The following CHST11 variants were observed in gnomAD, a reference collection of about 807,000 sequenced individuals.
CHST11 encodes carbohydrate sulfotransferase 11.
In CHST11, 9 loss-of-function variants were observed where a neutral mutation model predicts 30.4. The ratio of observed to expected loss-of-function variants is 0.30; its 90% CI spans 0.18 to 0.52. The LOEUF is 0.52. CHST11 is among the 20% of genes least tolerant of loss of function. CHST11 has a pLI of 0.97. For missense variants in CHST11, 348 were observed against 460.6 expected (o/e 0.76, Z 2.24); for synonymous variants, 152 against 187.8 (o/e 0.81, Z 1.56).
intron 2 of CHST11, among the ~76,000 whole-genome samples, chr12:104,755,329 G>T (rs546296098): frequency 4.6e-5 from 7 of 152,296 alleles, no homozygotes; most frequent in African/African-American, 1.7e-4. Flanking sequence ...TGACTCTGGG[G>T]CTCCGAGTCC....
chr12:104,712,341 G>A (rs188551566), intron 2 of CHST11, among the ~76,000 whole-genome samples: 2 of 152,208 alleles, frequency 1.3e-5, no homozygotes, highest in Admixed American at 6.5e-5. Flanking sequence ...CTGTAATGAG[G>A]TAACAGACAA....
chr12:104,739,766 T>C lies in CHST11; in HGVS notation c.205-17183T>C, dbSNP rs7305596. On this transcript the variant is annotated intron_variant, in intron 2 of 2. Transcript: ENST00000303694. ...TAAACCTCATAAGAGCCAGTGAGGT[T>C]TGTGCTCTCTCAGCTCCCACTTTAC... 7.0e-3 allele frequency among the ~76,000 whole-genome samples: 1,073 copies of C among 152,344 alleles called. 13 individuals carry two copies. The highest frequency in any genetic ancestry group is 0.025 in the African/African-American group (1,021 of 41,572).
At chr12:104,513,124 G>GGC (rs1491185851) in intron 1 of CHST11, among the ~76,000 whole-genome samples, 1 of 38,764 alleles carries the variant, frequency 2.6e-5, no homozygotes, top group African/African-American at 1.5e-4. Flanking sequence ...TGTCATGACT[G>GGC]GGGGGGGGGG....
chr12:104,603,452 T>C (rs1025505338), intron 2 of CHST11, among the ~76,000 whole-genome samples: 2 of 152,236 alleles, frequency 1.3e-5, no homozygotes, highest in African/African-American at 4.8e-5. Flanking sequence ...GTCCATGGAC[T>C]GCGTCTGTCC....
At chr12:104,666,610 T>C (rs2039644965) in intron 2 of CHST11, among the ~76,000 whole-genome samples, 1 of 152,196 alleles carries the variant, frequency 6.6e-6, no homozygotes, top group Non-Finnish European at 1.5e-5. Context: ...TCCTGCTGCA[T>C]TGGTATTCAA....
chr12:104,743,941 T>TTC (rs2040368703), intron 2 of CHST11, among the ~76,000 whole-genome samples: 1 of 15,328 alleles, frequency 6.5e-5, no homozygotes, highest in South Asian at 7.8e-4. Context: ...ACATGATCTC[T>TTC]CTTTTTTTAT....
intron 1 of CHST11, among the ~76,000 whole-genome samples, chr12:104,508,566 G>A (rs1475017200): frequency 6.6e-6 from 1 of 152,142 alleles, no homozygotes; most frequent in Non-Finnish European, 1.5e-5. Flanking sequence ...TTTTAACCTT[G>A]AGATGTGTCA....
At chr12:104,547,394 G>A (rs17035798) in intron 1 of CHST11, among the ~76,000 whole-genome samples, 2,590 of 152,288 alleles carry the variant, frequency 0.017, 66 homozygotes, top group East Asian at 0.078. Flanking sequence ...AGGTTGTGTC[G>A]TCTCAGAGCT....
chr12:104,539,070 A>G (rs1014133041), intron 1 of CHST11, among the ~76,000 whole-genome samples: 1 of 152,244 alleles, frequency 6.6e-6, no homozygotes, highest in African/African-American at 2.4e-5. Flanking sequence ...GGCAAATTGC[A>G]GAGCTGGGCA....
At chr12:104,694,585 T>C (rs535964390) in intron 2 of CHST11, among the ~76,000 whole-genome samples, 1 of 151,714 alleles carries the variant, frequency 6.6e-6, no homozygotes, top group South Asian at 2.1e-4. Context: ...AGGGAATGAG[T>C]TTAACGAAGC....
intron 1 of CHST11, among the ~76,000 whole-genome samples, chr12:104,545,807 G>GTC (rs369401481): frequency 1.3e-5 from 2 of 150,016 alleles, no homozygotes; most frequent in Non-Finnish European, 3.0e-5. Flanking sequence ...ACTCTCTAGG[G>GTC]TCTCTCTCTC....
chr12:104,537,588 C>A (rs2038248766), intron 1 of CHST11, among the ~76,000 whole-genome samples: 1 of 152,144 alleles, frequency 6.6e-6, no homozygotes, highest in East Asian at 1.9e-4. Context: ...TTTTTAAAAA[C>A]CCTTTTAATG....
At chr12:104,555,873 G>A (rs1388098872) in intron 1 of CHST11, among the ~76,000 whole-genome samples, 6 of 152,238 alleles carry the variant, frequency 3.9e-5, no homozygotes, top group Admixed American at 1.3e-4. Context: ...CCCTGGGGGC[G>A]TCCAGCCCCT....
At chr12:104,752,009 AGGTTCC>A (rs2040435824) in intron 2 of CHST11, among the ~76,000 whole-genome samples, 2 of 152,228 alleles carry the variant, frequency 1.3e-5, no homozygotes, top group Non-Finnish European at 2.9e-5. Context: ...CTCCTCTTTT[AGGTTCC>A]TGAGGCCATC....
intron 1 of CHST11, among the ~76,000 whole-genome samples, chr12:104,516,820 C>A (rs1239026337): frequency 1.3e-5 from 2 of 151,864 alleles, no homozygotes; most frequent in Admixed American, 1.3e-4. Flanking sequence ...TTAGGAGAGC[C>A]TAGCAGAAAT....
intron 2 of CHST11, among the ~76,000 whole-genome samples, chr12:104,718,765 C>T (rs903718893): frequency 1.3e-5 from 2 of 152,140 alleles, no homozygotes; most frequent in Non-Finnish European, 2.9e-5. Flanking sequence ...GCAATGCTTG[C>T]GAGAGTAAAC....
chr12:104,458,462 C>T lies in CHST11; in HGVS notation c.118+933C>T, dbSNP rs985453446. The stretch of plus-strand genomic sequence containing the variant: ...TCTGGACTGGGGGAGGGACGAGGCT[C>T]GTCGCTTCCTAGGGGTGCGAGGGAA... On this transcript the variant is annotated intron_variant, in intron 1 of 2. Transcript: ENST00000303694. This position sits in a 1 kb window ranked among gnomAD's most constrained non-coding sequence, Gnocchi z 5.7. Among the ~76,000 whole-genome samples the T allele has an allele frequency of 1.3e-5, 2 of 152,262 alleles. No individual in the cohort carries two copies. Among genetic ancestry groups the T allele is most frequent in the Non-Finnish European group, 2.9e-5 (2 of 68,008 alleles).
chr12:104,637,928 C>A (rs1219552075), intron 2 of CHST11, among the ~76,000 whole-genome samples: 3 of 152,194 alleles, frequency 2.0e-5, no homozygotes, highest in Non-Finnish European at 4.4e-5. Flanking sequence ...GTGTCTGGGT[C>A]CTGCCAGGCT....
rs576573357 is a variant in CHST11 at position 104,513,936 on chromosome 12, G to A, written c.118+56407G>A. On this transcript the variant is annotated intron_variant, in intron 1 of 2. Coordinates refer to ENST00000303694, the MANE Select transcript of CHST11 (RefSeq NM_018413.6). Reference sequence around the variant, plus strand: ...GTGTTGCTATAAAGGAATACCTGAGGCTGAGTCATTTTTAAAGAAGAGAGG... The same window carrying A: ...GTGTTGCTATAAAGGAATACCTGAGACTGAGTCATTTTTAAAGAAGAGAGG... 9 of 533,834 alleles carry A rather than the reference G, an allele frequency of 1.7e-5. No individual in the cohort carries two copies. The Admixed American group carries it at 2.3e-4, about 14-fold the overall frequency. The allele number at this position is 533,834 out of a possible 1,614,324, so 33.1% of individuals were successfully genotyped here.
Sources: gnomAD v4.1 joint callset for allele counts (sites outside exome capture counted in the v4.1 genomes callset) on GRCh38, gnomAD v4.1.1 for gene constraint, Gnocchi (gnomAD v3.1) non-coding constraint, MANE v1.5 for transcripts, NCBI Gene and HGNC (gene_info 2026-07-23, HGNC 2026-07-21) for gene names.